SRD5A3: variants seen among roughly 807,000 people sequenced by gnomAD.
SRD5A3 encodes the protein polyprenal reductase.
In SRD5A3, 24 loss-of-function variants were observed where a neutral mutation model predicts 34.3. The observed-to-expected ratio is 0.70, with a 90% CI of 0.51 to 0.99. The LOEUF (loss-of-function observed/expected upper bound fraction) is 0.99, where lower values mean the gene tolerates loss of function less well. SRD5A3 is among the 50% of genes least tolerant of loss of function. The pLI, the probability that SRD5A3 is intolerant of heterozygous loss-of-function variation, is 0.00. For synonymous variants in SRD5A3, 161 were observed against 167.3 expected (o/e 0.96, Z 0.29); for missense variants, 350 against 388.2 (o/e 0.90, Z 0.83).
chr4:55,370,488 A>G lies in SRD5A3; in HGVS notation c.*397A>G, dbSNP rs1720088044. The G allele has an allele frequency of 1.1e-5, 3 of 276,732 alleles. No individual in the cohort carries two copies. The highest frequency in any genetic ancestry group is 8.6e-5 in the South Asian group (2 of 23,160). 17.1% of individuals were successfully genotyped at this position (276,732 alleles called of 1,614,324 possible). On this transcript the variant is annotated 3_prime_UTR_variant, in exon 5 of 5. Coordinates refer to ENST00000264228, the MANE Select transcript of SRD5A3 (RefSeq NM_024592.5). Reference sequence around the variant, plus strand: ...ACACACACACAAAGGAAGATCATCAATGGCTGCGGTAGCCTAGTAGGAATG... The same window carrying G: ...ACACACACACAAAGGAAGATCATCAGTGGCTGCGGTAGCCTAGTAGGAATG...
At chr4:55,360,069 G>C (rs534787439) in intron 2 of SRD5A3, among the ~76,000 whole-genome samples, 1 of 152,114 alleles carries the variant, frequency 6.6e-6, no homozygotes, top group Non-Finnish European at 1.5e-5. Context: ...AAAAAAGTTA[G>C]CTGGGCATGG....
In SRD5A3 at chr4:55,364,058, GC is replaced by G. The variant is rs1293529399; in HGVS notation, c.365-14del. The G allele has an allele frequency of 6.2e-7, 1 of 1,613,936 alleles. No individual in the cohort carries two copies. Among genetic ancestry groups the G allele is most frequent in the Non-Finnish European group, 8.5e-7 (1 of 1,179,764 alleles). ...CCAGAAGAGAAATGCTGACCCTGTT[GC>G]CTTCTGAATTGTAGGAGGGGAGCTG... On this transcript the variant is annotated splice_polypyrimidine_tract_variant and intron_variant, in intron 2 of 4. Coordinates refer to ENST00000264228, the MANE Select transcript of SRD5A3 (RefSeq NM_024592.5).
At chr4:55,363,175 G>A (rs1249071592) in intron 2 of SRD5A3, among the ~76,000 whole-genome samples, 1 of 152,036 alleles carries the variant, frequency 6.6e-6, no homozygotes, top group African/African-American at 2.4e-5. Flanking sequence ...AAGTGACTGG[G>A]CGTGGTATCT....
chr4:55,353,539 C>A (rs912384427), intron 1 of SRD5A3, among the ~76,000 whole-genome samples: 1 of 152,198 alleles, frequency 6.6e-6, no homozygotes, highest in Admixed American at 6.5e-5. Context: ...CACTGGGGGT[C>A]CCCTTCTACC....
intron 1 of SRD5A3, among the ~76,000 whole-genome samples, chr4:55,352,664 G>T (rs551109645): frequency 1.5e-3 from 221 of 152,332 alleles, no homozygotes; most frequent in Non-Finnish European, 2.6e-3. Context: ...TGATTAACTG[G>T]ATGCCTACTC....
intron 4 of SRD5A3, among the ~76,000 whole-genome samples, chr4:55,368,203 C>T (rs1719975907): frequency 6.6e-6 from 1 of 151,694 alleles, no homozygotes; most frequent in Non-Finnish European, 1.5e-5. Flanking sequence ...ATGGCAAAAC[C>T]CCGTCTCTTC....
intron 1 of SRD5A3, among the ~76,000 whole-genome samples, chr4:55,349,842 TGAAA>T (rs1473077374): frequency 6.6e-6 from 1 of 152,178 alleles, no homozygotes; most frequent in Non-Finnish European, 1.5e-5. Context: ...AAACTTGGAT[TGAAA>T]GAAAGTTATG....
chr4:55,346,423 C>T lies in SRD5A3; in HGVS notation c.87C>T (p.Thr29=), dbSNP rs35788500. The change falls in exon 1 of 5, where the codon ACC becomes ACT. Residue 29 remains threonine (T), a synonymous_variant. Transcript: ENST00000264228. ...CGCTGACCGCCGCCTTCCTGCTGAC[C>T]CTACTGCTGCAGCTCCTGCCGCCCG... ...WLTLTAAFLL[T]LLLQLLPPGL... 6.2e-7 allele frequency: 1 copy of T among 1,602,720 alleles called. No individual in the cohort carries two copies. The highest frequency in any genetic ancestry group is 1.7e-5 in the Admixed American group (1 of 59,138).
chr4:55,351,009 G>A (rs896841391), intron 1 of SRD5A3, among the ~76,000 whole-genome samples: 2 of 151,060 alleles, frequency 1.3e-5, no homozygotes, highest in Admixed American at 6.6e-5. Context: ...CAGATGATCC[G>A]CCCACCTTGG....
intron 3 of SRD5A3, among the ~76,000 whole-genome samples, chr4:55,366,249 G>T (rs1719894144): frequency 6.6e-6 from 1 of 152,134 alleles, no homozygotes; most frequent in Non-Finnish European, 1.5e-5. Context: ...TTAGCATAAG[G>T]GACTTAGTGA....
At chr4:55,369,751 T>C (rs1720050708) in intron 4 of SRD5A3, 81 bp from the exon 5 acceptor site, 2 of 1,546,770 alleles carry the variant, frequency 1.3e-6, no homozygotes, top group Admixed American at 3.7e-5. Flanking sequence ...AAAAAAATTC[T>C]GTAAATGATT....
chr4:55,364,407 G>A, intron 3 of SRD5A3, 136 bp downstream of exon 3: 1 of 1,049,638 alleles, frequency 9.5e-7, no homozygotes, highest in Non-Finnish European at 1.4e-6. Flanking sequence ...TTCAGGAGAT[G>A]AGACTCAAGT....
intron 1 of SRD5A3, among the ~76,000 whole-genome samples, chr4:55,354,165 G>C (rs976702793): frequency 6.6e-6 from 1 of 152,052 alleles, no homozygotes; most frequent in African/African-American, 2.4e-5. Flanking sequence ...GGCGCAATGT[G>C]GGCTCACTGC....
In SRD5A3 at chr4:55,370,133, C is replaced by T. The variant is rs749145324; in HGVS notation, c.*42C>T. The T allele has an allele frequency of 2.6e-5, 42 of 1,609,422 alleles. No individual in the cohort carries two copies. Among genetic ancestry groups the T allele is most frequent in the Non-Finnish European group, 3.0e-5 (35 of 1,179,034 alleles). Reference sequence around the variant, plus strand: ...AAGAATGCAAACCAGGTGATGGTTTCAATGCCTAAGGACAGTGAAGTCTGG... The same window carrying T: ...AAGAATGCAAACCAGGTGATGGTTTTAATGCCTAAGGACAGTGAAGTCTGG... On this transcript the variant is annotated 3_prime_UTR_variant, in exon 5 of 5. Transcript: ENST00000264228.
rs1428345039 is a variant in SRD5A3 at position 55,370,949 on chromosome 4, T to G, written c.*858T>G. 1.3e-5 allele frequency: 2 copies of G among 152,118 alleles called. No homozygotes were observed. Among genetic ancestry groups the G allele is most frequent in the African/African-American group, 2.4e-5 (1 of 41,418 alleles). 9.4% of individuals were successfully genotyped at this position (152,118 alleles called of 1,614,324 possible). On this transcript the variant is annotated 3_prime_UTR_variant, in exon 5 of 5. Transcript: ENST00000264228. ...TCAGGAAAAAACGAGTTTGTTGGAG[T>G]TAGTTTATACTTTCACATATCACCA...
chr4:55,346,417 G>A lies in SRD5A3; in HGVS notation c.81G>A (p.Leu27=). 1 of 1,600,496 alleles carries A rather than the reference G, an allele frequency of 6.2e-7. No homozygotes were observed. Among genetic ancestry groups the A allele is most frequent in the African/African-American group, 1.4e-5 (1 of 73,750 alleles). Residue 27 remains leucine (L), a synonymous_variant, in exon 1 of 5, where the codon CTG becomes CTA. Transcript: ENST00000264228. ...GGCTCACGCTGACCGCCGCCTTCCT[G>A]CTGACCCTACTGCTGCAGCTCCTGC... ...AVWLTLTAAF[L]LTLLLQLLPP...
intron 1 of SRD5A3, among the ~76,000 whole-genome samples, chr4:55,355,753 T>C (rs1719432091): frequency 6.6e-6 from 1 of 152,232 alleles, no homozygotes; most frequent in African/African-American, 2.4e-5. Context: ...GGGCTGTCAC[T>C]TACTGTGTGA....
At position 55,369,889 on chromosome 4, in the gene SRD5A3, C is replaced by A; in HGVS notation, c.755C>A (p.Ser252Tyr). ...IPFGDWFEYV[S>Y]SPNYLAELMI... ...TTTGGAGACTGGTTTGAATATGTTT[C>A]TTCCCCTAACTACTTAGCAGAGCTG... The change falls in exon 5 of 5, where the codon TCT (serine) becomes TAT (tyrosine). Residue 252 changes from serine to tyrosine, a missense_variant. Coordinates refer to ENST00000264228, the MANE Select transcript of SRD5A3 (RefSeq NM_024592.5). 6.2e-7 allele frequency: 1 copy of A among 1,614,148 alleles called. No homozygotes were observed. The highest frequency in any genetic ancestry group is 1.1e-5 in the South Asian group (1 of 91,088).
At chr4:55,353,993 T>A (rs1719322664) in intron 1 of SRD5A3, among the ~76,000 whole-genome samples, 1 of 152,250 alleles carries the variant, frequency 6.6e-6, no homozygotes, top group South Asian at 2.1e-4. Flanking sequence ...TTAAAGCATT[T>A]AGCACAGGGC....
Sources: gnomAD v4.1 joint callset for allele counts (sites outside exome capture counted in the v4.1 genomes callset) on GRCh38, gnomAD v4.1.1 for gene constraint, MANE v1.5 for transcripts, NCBI Gene and HGNC (gene_info 2026-07-23, HGNC 2026-07-21) for gene names.